Variants in AKAP13 observed in about 807,000 individuals in gnomAD.
AKAP13 encodes A-kinase anchoring protein 13.
AKAP13 carries 80 observed loss-of-function variants against 264.5 expected under a neutral mutation model. The ratio of observed to expected loss-of-function variants is 0.30; its 90% CI spans 0.25 to 0.36. The LOEUF (loss-of-function observed/expected upper bound fraction) is 0.36, where lower values mean the gene tolerates loss of function less well. AKAP13 is among the 10% of genes least tolerant of loss of function. The pLI, the probability that AKAP13 is intolerant of heterozygous loss-of-function variation, is 1.00. For missense variants in AKAP13, 3,712 were observed against 3,435.2 expected (o/e 1.08, Z -2.01); for synonymous variants, 1,380 against 1,250.2 (o/e 1.10, Z -2.19).
intron 8 of AKAP13, among the ~76,000 whole-genome samples, chr15:85,607,083 G>C (rs2151381385): frequency 6.8e-6 from 1 of 146,052 alleles, no homozygotes; most frequent in Non-Finnish European, 1.5e-5. Context: ...TTTTTTTTGA[G>C]ACTTAACTCT....
Position 85,581,764 on chromosome 15 carries a change from C to T in AKAP13, c.3696C>T (p.Cys1232=). 3 of 1,614,172 alleles carry T rather than the reference C, an allele frequency of 1.9e-6. No individual in the cohort carries two copies. Among genetic ancestry groups the T allele is most frequent in the Non-Finnish European group, 2.5e-6 (3 of 1,180,002 alleles). Residue 1232 remains cysteine, a synonymous_variant, in exon 7 of 37, where the codon TGC becomes TGT. Transcript: ENST00000394518. ...GRERSTPSLP[C]MVSAQDAPLP... ...AAAGGAGCACTCCCTCTCTACCTTG[C>T]ATGGTCTCTGCCCAGGACGCACCTC...
Position 85,664,679 on chromosome 15 carries a change from G to A in AKAP13, c.4916G>A (p.Arg1639Gln), listed in dbSNP as rs1244973538. The A allele has an allele frequency of 3.1e-6, 5 of 1,614,118 alleles. No homozygotes were observed. Among genetic ancestry groups the A allele is most frequent in the South Asian group, 1.1e-5 (1 of 91,076 alleles). ...AGACACCCATTCAGTGGTGAGGAAC[G>A]GGTTGACTCTTTGGTGTCACTTTCA... ...ELRHPFSGEE[R>Q]VDSLVSLSEE... Residue 1639 changes from arginine to glutamine, a missense_variant, in exon 13 of 37, where the codon CGG becomes CAG. Arg to Gln is a conservative substitution (Grantham distance 43). This residue lies in a region of AKAP13 where 2,759 missense variants were observed against 2,411.7 expected (regional missense o/e 1.14). Coordinates refer to ENST00000394518, the MANE Select transcript of AKAP13 (RefSeq NM_007200.5).
intron 14 of AKAP13, among the ~76,000 whole-genome samples, chr15:85,681,614 G>A (rs1276624783): frequency 6.6e-6 from 1 of 151,610 alleles, no homozygotes; most frequent in East Asian, 2.0e-4. Flanking sequence ...GAAATCCAAA[G>A]GTCTCATCCC....
chr15:85,468,951 G>C (rs1220552682), intron 1 of AKAP13, among the ~76,000 whole-genome samples: 1 of 131,382 alleles, frequency 7.6e-6, no homozygotes, highest in East Asian at 2.1e-4. Flanking sequence ...TTTTGCTCTT[G>C]TCACCCAGGC....
At chr15:85,678,601 C>G (rs1168383615) in intron 14 of AKAP13, among the ~76,000 whole-genome samples, 1 of 152,222 alleles carries the variant, frequency 6.6e-6, no homozygotes, top group Admixed American at 6.5e-5. Context: ...GTGGCTCACA[C>G]CTCTAATCCC....
In AKAP13 at chr15:85,514,499, G is replaced by C. The variant is rs2076541649; in HGVS notation, c.34-6929G>C. 1.5e-5 allele frequency among the ~76,000 whole-genome samples: 2 copies of C among 137,124 alleles called. 1 individual carries two copies. 90.0% of individuals were successfully genotyped at this position (137,124 alleles called of 152,430 possible). A position where few individuals can be genotyped will look rare whatever the true frequency, so the allele number is the denominator to read the frequency against. Reference sequence around the variant, plus strand: ...TCATCTTATAGATACTCTGACCCAGGCCTGGAATCAGCCAAGTCTCTGAAG... The same window carrying C: ...TCATCTTATAGATACTCTGACCCAGCCCTGGAATCAGCCAAGTCTCTGAAG... On this transcript the variant is annotated intron_variant, in intron 2 of 36. Coordinates refer to ENST00000394518, the MANE Select transcript of AKAP13 (RefSeq NM_007200.5).
intron 8 of AKAP13, among the ~76,000 whole-genome samples, chr15:85,633,535 C>CTT (rs56687591): frequency 1.3e-3 from 126 of 97,762 alleles, no homozygotes; most frequent in South Asian, 1.7e-3. Context: ...CTTTTTTTTT[C>CTT]TTTTTTTTTT....
chr15:85,451,244 T>G (rs892115711), intron 1 of AKAP13, among the ~76,000 whole-genome samples: 4 of 152,230 alleles, frequency 2.6e-5, no homozygotes, highest in African/African-American at 9.6e-5. Flanking sequence ...TCTCCATCCC[T>G]TTATTTTGAG....
At chr15:85,464,687 C>T (rs749600333) in intron 1 of AKAP13, among the ~76,000 whole-genome samples, 1 of 152,166 alleles carries the variant, frequency 6.6e-6, no homozygotes, top group Admixed American at 6.5e-5. Flanking sequence ...TTATATAACT[C>T]GGAAGCAGTG....
chr15:85,718,782 C>A lies in AKAP13; in HGVS notation c.6002-294C>A. 2 of 343,372 alleles carry A rather than the reference C, an allele frequency of 5.8e-6. No individual in the cohort carries two copies. Among genetic ancestry groups the A allele is most frequent in the Non-Finnish European group, 1.1e-5 (2 of 182,054 alleles). The allele number at this position is 343,372 out of a possible 1,614,324, so 21.3% of individuals were successfully genotyped here. A position where few individuals can be genotyped will look rare whatever the true frequency, so the allele number is the denominator to read the frequency against. ...AGGCGTGATGGCATGTACCTGCAGCCCCAGCTGCTCGAGAGGCTAAAGCAG... is the reference window on the plus strand; with the variant it reads ...AGGCGTGATGGCATGTACCTGCAGCACCAGCTGCTCGAGAGGCTAAAGCAG... On this transcript the variant is annotated intron_variant, in intron 22 of 36. Transcript: ENST00000394518. The surrounding 1 kb of genome is among the most constrained non-coding windows in gnomAD (Gnocchi z 4.9).
At chr15:85,704,632 G>T (rs2086125611) in intron 17 of AKAP13, among the ~76,000 whole-genome samples, 1 of 152,148 alleles carries the variant, frequency 6.6e-6, no homozygotes, top group Admixed American at 6.5e-5. Context: ...AAACCACTGT[G>T]CTGAGACCTT....
At chr15:85,513,875 C>G (rs2076523486) in intron 2 of AKAP13, among the ~76,000 whole-genome samples, 1 of 96,974 alleles carries the variant, frequency 1.0e-5, no homozygotes. Context: ...GGCTTGCATG[C>G]TTGGTCAGAG....
intron 30 of AKAP13, among the ~76,000 whole-genome samples, chr15:85,734,214 A>T (rs2088269178): frequency 6.6e-6 from 1 of 152,152 alleles, no homozygotes; most frequent in Admixed American, 6.5e-5. Flanking sequence ...ATCTGTAGAG[A>T]AGTTAGACCC....
At chr15:85,673,968 G>C (rs2084074011) in intron 14 of AKAP13, among the ~76,000 whole-genome samples, 1 of 151,666 alleles carries the variant, frequency 6.6e-6, no homozygotes, top group Non-Finnish European at 1.5e-5. Context: ...TGGGATTACA[G>C]GCGTGAGCCA....
In AKAP13 at chr15:85,735,592, G is replaced by T; in HGVS notation, c.7474G>T (p.Asp2492Tyr). The change falls in exon 32 of 37, where the codon GAT becomes TAT. Residue 2492 changes from aspartate (D) to tyrosine (Y), a missense_variant. Transcript: ENST00000394518. ...GAAGGAAGAGGGAGATGATGGCCAA[G>T]ATCTTAGGAGAACGGAATCAGATAG... ...GEKEEGDDGQ[D>Y]LRRTESDSGL... 1 of 1,612,994 alleles carries T rather than the reference G, an allele frequency of 6.2e-7. No individual in the cohort carries two copies. Among genetic ancestry groups the T allele is most frequent in the Non-Finnish European group, 8.5e-7 (1 of 1,179,698 alleles).
chr15:85,608,705 C>T (rs74025634), intron 8 of AKAP13, among the ~76,000 whole-genome samples: 2,848 of 152,220 alleles, frequency 0.019, 93 homozygotes, highest in African/African-American at 0.065. Context: ...GTTCTGAGAG[C>T]CGGGGGCCTT....
intron 1 of AKAP13, among the ~76,000 whole-genome samples, chr15:85,445,916 T>G (rs1000565848): frequency 6.6e-6 from 1 of 152,230 alleles, no homozygotes; most frequent in African/African-American, 2.4e-5. Flanking sequence ...ACTGATCAAA[T>G]CAGGGTAATT....
intron 6 of AKAP13, among the ~76,000 whole-genome samples, chr15:85,576,869 C>T (rs1264605864): frequency 1.3e-5 from 2 of 152,086 alleles, no homozygotes; most frequent in Non-Finnish European, 2.9e-5. Context: ...AAGCTACCTG[C>T]CAAGATATGG....
intron 8 of AKAP13, among the ~76,000 whole-genome samples, chr15:85,601,771 AT>A (rs1319021805): frequency 6.6e-6 from 1 of 152,070 alleles, no homozygotes; most frequent in Non-Finnish European, 1.5e-5. Flanking sequence ...TATAGGTTAT[AT>A]CTAGAAATGT....
Sources: allele counts gnomAD v4.1 joint callset (sites outside exome capture counted in the v4.1 genomes callset), GRCh38; gene constraint gnomAD v4.1.1; regional missense constraint gnomAD v4.1.1; non-coding constraint Gnocchi (gnomAD v3.1); transcripts MANE v1.5; gene names NCBI Gene and HGNC (gene_info 2026-07-23, HGNC 2026-07-21).